EPHB1: variants seen among roughly 807,000 people sequenced by gnomAD.
The protein encoded by EPHB1 is EPH receptor B1, also known as ephrin type-B receptor 1.
In EPHB1, 30 loss-of-function variants were observed where a neutral mutation model predicts 94.4. The observed-to-expected ratio is 0.32, with a 90% CI of 0.24 to 0.43. The LOEUF (loss-of-function observed/expected upper bound fraction) is 0.43. Among genes scored for constraint, EPHB1 ranks in the 20% least tolerant of loss-of-function variants. The probability of loss-of-function intolerance (pLI) is 1.00; values close to 1 mark genes in which losing one functional copy is unlikely to be tolerated. For missense variants in EPHB1, 1,055 were observed against 1,308.3 expected (o/e 0.81, Z 2.99); for synonymous variants, 522 against 489.1 (o/e 1.07, Z -0.89).
At chr3:135,013,714 G>A (rs2107750109) in intron 3 of EPHB1, among the ~76,000 whole-genome samples, 1 of 152,330 alleles carries the variant, frequency 6.6e-6, no homozygotes, top group Admixed American at 6.5e-5. Context: ...CAAAGAGAAT[G>A]TCCACAACCT....
At chr3:134,890,592 A>G (rs562485447) in intron 1 of EPHB1, among the ~76,000 whole-genome samples, 70 of 152,190 alleles carry the variant, frequency 4.6e-4, no homozygotes, top group Middle Eastern at 3.2e-3. Flanking sequence ...GCTCTCCTAT[A>G]TAGAGCCAGA....
intron 3 of EPHB1, among the ~76,000 whole-genome samples, chr3:135,001,615 A>G (rs1459320990): frequency 6.6e-6 from 1 of 152,190 alleles, no homozygotes; most frequent in Non-Finnish European, 1.5e-5. Flanking sequence ...GGCCTCCCAG[A>G]GCACCACTCT....
At chr3:134,841,724 G>A (rs1020087476) in intron 1 of EPHB1, among the ~76,000 whole-genome samples, 6 of 152,170 alleles carry the variant, frequency 3.9e-5, no homozygotes, top group Admixed American at 1.3e-4. Context: ...TTAAGGAAAC[G>A]TGTCCTCAGT....
intron 10 of EPHB1, 129 bp downstream of exon 10, chr3:135,180,111 A>ACTC: frequency 9.0e-7 from 1 of 1,113,680 alleles, no homozygotes; most frequent in Non-Finnish European, 1.3e-6. Context: ...TTCTCCTCAG[A>ACTC]AGATGAGTCT....
intron 2 of EPHB1, among the ~76,000 whole-genome samples, chr3:134,938,781 T>A (rs1012478703): frequency 3.0e-4 from 46 of 152,128 alleles, no homozygotes; most frequent in Non-Finnish European, 2.9e-5. Context: ...ATCCTCACAA[T>A]TGCCTCACGA....
In EPHB1 at chr3:135,142,838, A is replaced by G. The variant is rs542496309; in HGVS notation, c.1297+9789A>G. On this transcript the variant is annotated intron_variant, in intron 5 of 15. Coordinates refer to ENST00000398015, the MANE Select transcript of EPHB1 (RefSeq NM_004441.5). The stretch of plus-strand genomic sequence containing the variant: ...ACAAAGACTGAAGCTCATGCCTCCG[A>G]TGAATGGGGGCGTGACGGTGGGAGG... 3.8e-3 allele frequency among the ~76,000 whole-genome samples: 580 copies of G among 152,246 alleles called. 1 individual carries two copies. The highest frequency in any genetic ancestry group is 0.017 in the Middle Eastern group (5 of 294).
intron 14 of EPHB1, 111 bp downstream of exon 14, chr3:135,248,620 G>A (rs926847141): frequency 3.7e-6 from 4 of 1,091,398 alleles, no homozygotes; most frequent in South Asian, 3.5e-5. Flanking sequence ...GTATCTAGTT[G>A]CAGTGTGGGC....
intron 1 of EPHB1, among the ~76,000 whole-genome samples, chr3:134,835,960 C>T (rs1281350955): frequency 2.0e-5 from 3 of 152,348 alleles, no homozygotes; most frequent in East Asian, 3.9e-4. Flanking sequence ...TGGCACACTA[C>T]CAAGAGTCAG....
chr3:134,872,050 G>T (rs1296230588), intron 1 of EPHB1, among the ~76,000 whole-genome samples: 1 of 152,212 alleles, frequency 6.6e-6, no homozygotes, highest in Non-Finnish European at 1.5e-5. Context: ...CCCCTGTAGA[G>T]GGGATACTTT....
At chr3:135,202,287 G>A (rs1030507257) in intron 12 of EPHB1, among the ~76,000 whole-genome samples, 1 of 152,136 alleles carries the variant, frequency 6.6e-6, no homozygotes, top group Admixed American at 6.5e-5. Flanking sequence ...AATAGAGCTT[G>A]GGATTTACTC....
chr3:135,073,869 G>A (rs1248188178), intron 3 of EPHB1, among the ~76,000 whole-genome samples: 1 of 152,072 alleles, frequency 6.6e-6, no homozygotes, highest in Admixed American at 6.6e-5. Context: ...CAGTGGTGGT[G>A]TTTAGCGTGT....
chr3:135,241,103 CAGAA>C, intron 12 of EPHB1, 41 bp from the exon 13 acceptor site: 1 of 1,613,430 alleles, frequency 6.2e-7, no homozygotes, highest in Non-Finnish European at 8.5e-7. Flanking sequence ...TGCCTTCAAT[CAGAA>C]ACCTGATTGT....
chr3:135,250,588 C>G (rs1290404285), intron 15 of EPHB1, among the ~76,000 whole-genome samples: 1 of 152,040 alleles, frequency 6.6e-6, no homozygotes, highest in East Asian at 1.9e-4. Flanking sequence ...TCAGGTGATT[C>G]TAATGTGCAG....
intron 15 of EPHB1, among the ~76,000 whole-genome samples, chr3:135,253,971 A>G (rs1401111626): frequency 1.4e-5 from 2 of 138,510 alleles, no homozygotes; most frequent in African/African-American, 5.4e-5. Context: ...TTCTCTTTGA[A>G]GCAATTGTGA....
At chr3:135,218,465 T>C (rs1272160656) in intron 12 of EPHB1, among the ~76,000 whole-genome samples, 3 of 152,192 alleles carry the variant, frequency 2.0e-5, no homozygotes, top group East Asian at 1.9e-4. Flanking sequence ...GTGGGATCAG[T>C]ATGGAATTTC....
rs561159675 is a variant in EPHB1 at position 135,155,357 on chromosome 3, G to A, written c.1422+1081G>A. 7.2e-5 allele frequency among the ~76,000 whole-genome samples: 11 copies of A among 152,220 alleles called. No homozygotes were observed. In the South Asian group the frequency reaches 1.0e-3, roughly 14 times the overall value. On this transcript the variant is annotated intron_variant, in intron 6 of 15. Coordinates refer to ENST00000398015, the MANE Select transcript of EPHB1 (RefSeq NM_004441.5). ...GTTGTGAAGCAGTTATCTGGAGGAG[G>A]AAAGGGCAACAGCCTATGCAAAGGT...
intron 4 of EPHB1, among the ~76,000 whole-genome samples, chr3:135,128,757 T>A (rs962209254): frequency 8.5e-5 from 13 of 152,212 alleles, no homozygotes; most frequent in Non-Finnish European, 1.5e-4. Context: ...TTTTTCTGCC[T>A]CTCAAGTGCT....
chr3:134,926,465 C>T (rs1411084443), intron 2 of EPHB1, among the ~76,000 whole-genome samples: 1 of 152,140 alleles, frequency 6.6e-6, no homozygotes, highest in African/African-American at 2.4e-5. Flanking sequence ...CCTTTACAGA[C>T]AAGGTGTGAG....
At chr3:135,085,779 A>G (rs1053271234) in intron 3 of EPHB1, among the ~76,000 whole-genome samples, 1 of 152,126 alleles carries the variant, frequency 6.6e-6, no homozygotes, top group South Asian at 2.1e-4. Context: ...CCATCTCAGC[A>G]TATTATTAAC....
Sources: gnomAD v4.1 joint callset for allele counts (sites outside exome capture counted in the v4.1 genomes callset) on GRCh38, gnomAD v4.1.1 for gene constraint, MANE v1.5 for transcripts, NCBI Gene and HGNC (gene_info 2026-07-23, HGNC 2026-07-21) for gene names.